NFU1: variants seen among roughly 807,000 people sequenced by gnomAD.
NFU1 encodes the protein NFU1 iron-sulfur cluster scaffold.
A neutral mutation model predicts 32.2 loss-of-function variants in NFU1; 30 were observed. The observed-to-expected ratio is 0.93, with a 90% confidence interval of 0.70 to 1.26. The LOEUF is 1.26. Ranked by LOEUF, NFU1 falls within the 50% of genes most tolerant of loss-of-function variation. The pLI is 0.00. For synonymous variants in NFU1, 112 were observed against 104.6 expected (o/e 1.07, Z -0.43); for missense variants, 306 against 306.6 (o/e 1.00, Z 0.02).
At chr2:69,428,808 T>C (rs916470894) in intron 2 of NFU1, among the ~76,000 whole-genome samples, 1 of 152,220 alleles carries the variant, frequency 6.6e-6, no homozygotes, top group African/African-American at 2.4e-5. Context: ...GAGTTTAAAT[T>C]TGGCAAAACA....
intron 7 of NFU1, 62 bp downstream of exon 7, chr2:69,400,302 T>A: frequency 1.4e-6 from 2 of 1,425,496 alleles, no homozygotes; most frequent in South Asian, 2.3e-5. Flanking sequence ...TTCCAGCCTT[T>A]GTATCTACAA....
At chr2:69,413,829 A>C (rs181832887) in intron 5 of NFU1, among the ~76,000 whole-genome samples, 1 of 151,800 alleles carries the variant, frequency 6.6e-6, no homozygotes, top group Non-Finnish European at 1.5e-5. Context: ...CAGGCGAATC[A>C]TGAGGTCTGG....
intron 1 of NFU1, among the ~76,000 whole-genome samples, chr2:69,436,784 G>T (rs1206586705): frequency 1.3e-5 from 2 of 150,632 alleles, no homozygotes; most frequent in Non-Finnish European, 3.0e-5. Flanking sequence ...TCAAAGGTAG[G>T]GCTCAGGGAG....
chr2:69,397,942 T>A (rs1672394119), intron 7 of NFU1, among the ~76,000 whole-genome samples: 1 of 151,030 alleles, frequency 6.6e-6, no homozygotes, highest in Non-Finnish European at 1.5e-5. Context: ...AAATCCAGAT[T>A]CTGGCTCTGA....
upstream of NFU1, chr2:69,437,500 G>C (rs946908938): frequency 8.4e-6 from 13 of 1,542,076 alleles, no homozygotes; most frequent in Admixed American, 7.6e-5. Flanking sequence ...CGGTAGCTGG[G>C]CGGGCACTGG....
intron 6 of NFU1, among the ~76,000 whole-genome samples, chr2:69,403,577 G>T (rs1672594333): frequency 6.6e-6 from 1 of 152,000 alleles, no homozygotes; most frequent in African/African-American, 2.4e-5. Flanking sequence ...TAGAGACAAG[G>T]TCTCACTATG....
At position 69,400,117 on chromosome 2, in the gene NFU1, C is replaced by A. The variant is rs1672471871; in HGVS notation, c.720+247G>T. Among the ~76,000 whole-genome samples the A allele has an allele frequency of 2.6e-5, 4 of 152,122 alleles. No homozygotes were observed. In the South Asian group the frequency reaches 8.3e-4, roughly 32 times the overall value. Reference sequence around the variant, plus strand: ...GGAACTCCCAACCTCAGGTGATCCACCCACCTCAGCCTCCCAAAGTGCTGG... The same window carrying A: ...GGAACTCCCAACCTCAGGTGATCCAACCACCTCAGCCTCCCAAAGTGCTGG... On this transcript the variant is annotated intron_variant, in intron 7 of 7. Coordinates refer to ENST00000410022, the MANE Select transcript of NFU1 (RefSeq NM_001002755.4).
chr2:69,400,451 G>A lies in NFU1; in HGVS notation c.633C>T (p.Thr211=). Residue 211 remains threonine, a synonymous_variant, in exon 7 of 8, where the codon ACC becomes ACT. Transcript: ENST00000410022. The part of the protein sequence containing the change: ...IVQLKLQGSC[T]SCPSSIITLK... ...GAGTAATGATTGAACTAGGGCAGCTGGTACAAGAACCCTGGAGTTTCAGCT... is the reference window on the plus strand; with the variant it reads ...GAGTAATGATTGAACTAGGGCAGCTAGTACAAGAACCCTGGAGTTTCAGCT... 3 of 1,613,884 alleles carry A rather than the reference G, an allele frequency of 1.9e-6. No individual in the cohort carries two copies. The highest frequency in any genetic ancestry group is 2.5e-6 in the Non-Finnish European group (3 of 1,179,810).
rs1558845426 is a variant in NFU1, at chr2:69,427,819, AG to A, written c.166+4082del. Among the ~76,000 whole-genome samples the A allele has an allele frequency of 2.0e-5, 3 of 150,662 alleles. No homozygotes were observed. In the East Asian group the frequency reaches 6.0e-4, roughly 30 times the overall value. On this transcript the variant is annotated intron_variant, in intron 2 of 7. Transcript: ENST00000410022. Reference sequence around the variant, plus strand: ...CAACATGGTGAAACCCCGTCTCTACAGGGGTTTTGTAGAGGTAGGGTTATTT... The same window carrying A: ...CAACATGGTGAAACCCCGTCTCTACAGGGTTTTGTAGAGGTAGGGTTATTT...
chr2:69,399,081 G>A (rs562285442), intron 7 of NFU1, among the ~76,000 whole-genome samples: 10 of 151,972 alleles, frequency 6.6e-5, no homozygotes, highest in African/African-American at 2.2e-4. Flanking sequence ...GGTGGCATGT[G>A]CCTGTAATCC....
In NFU1 at chr2:69,400,512, T is replaced by A; in HGVS notation, c.572A>T (p.Asp191Val). 1.2e-6 allele frequency: 2 copies of A among 1,614,114 alleles called. No homozygotes were observed. The highest frequency in any genetic ancestry group is 1.7e-6 in the Non-Finnish European group (2 of 1,180,008). ...ATCTTCAAAGCCTTTGTAGATTACA[T>A]CCCCTCCATCTTCCTGCACAGTTGG... is the stretch of plus-strand genomic sequence containing the variant. ...IRPTVQEDGGDVIYKGFEDGI... is the reference protein window; with the variant it reads ...IRPTVQEDGGVVIYKGFEDGI... The change falls in exon 7 of 8, where the codon GAT (aspartate) becomes GTT (valine). Residue 191 changes from aspartate (D) to valine (V), a missense_variant. Transcript: ENST00000410022.
At chr2:69,437,443 G>T, upstream of NFU1, 1 of 1,608,924 alleles carries the variant, frequency 6.2e-7, no homozygotes, top group Non-Finnish European at 8.5e-7. Context: ...AGTGCCTAAG[G>T]GTCTCCCTGA....
chr2:69,417,347 T>TA (rs1281768752), intron 4 of NFU1, among the ~76,000 whole-genome samples: 1 of 151,918 alleles, frequency 6.6e-6, no homozygotes, highest in African/African-American at 2.4e-5. Flanking sequence ...TTCCGTCTAT[T>TA]AAATACCAAC....
intron 7 of NFU1, chr2:69,399,428 G>A (rs180739650): frequency 4.7e-5 from 21 of 450,264 alleles, no homozygotes; most frequent in Admixed American, 1.2e-4. Flanking sequence ...TGTGCTACAC[G>A]TAAAGCTCTA....
Position 69,437,201 on chromosome 2 carries a change from C to A in NFU1, c.62+160G>T. 4.9e-6 allele frequency: 7 copies of A among 1,427,086 alleles called. No homozygotes were observed. In the South Asian group the frequency reaches 8.8e-5, roughly 18 times the overall value. 88.4% of individuals were successfully genotyped at this position (1,427,086 alleles called of 1,614,324 possible). A position where few individuals can be genotyped will look rare whatever the true frequency, so the allele number is the denominator to read the frequency against. ...CAGAAGCGCCGAGCTCCCGCACAGACAGCCTCAGGGCTCACCCCCAACTAC... is the reference window on the plus strand; with the variant it reads ...CAGAAGCGCCGAGCTCCCGCACAGAAAGCCTCAGGGCTCACCCCCAACTAC... On this transcript the variant is annotated intron_variant, in intron 1 of 7. Transcript: ENST00000410022.
chr2:69,415,298 T>C lies in NFU1; in HGVS notation c.371A>G (p.Glu124Gly), dbSNP rs1235176737. The change falls in exon 5 of 8, where the codon GAA becomes GGA. Residue 124 changes from glutamate (E) to glycine (G), a missense_variant and splice_region_variant. By Grantham distance (98) the Glu-to-Gly change is moderately conservative (BLOSUM62 -2). Transcript: ENST00000410022. ...FGPDFITVTK[E>G]NEELDWNLLK... ...TAAATTCCAGTCTAATTCTTCATTTTCCTATAAACATTTAAAGGAAAATGC... is the reference window on the plus strand; with the variant it reads ...TAAATTCCAGTCTAATTCTTCATTTCCCTATAAACATTTAAAGGAAAATGC... 8 of 1,564,292 alleles carry C rather than the reference T, an allele frequency of 5.1e-6. No homozygotes were observed. Among genetic ancestry groups the C allele is most frequent in the Non-Finnish European group, 6.2e-6 (7 of 1,135,434 alleles).
At chr2:69,425,593 G>A (rs1025918645) in intron 2 of NFU1, among the ~76,000 whole-genome samples, 9 of 151,896 alleles carry the variant, frequency 5.9e-5, no homozygotes, top group African/African-American at 2.2e-4. Flanking sequence ...GACCTCACGT[G>A]ATCCACCCAC....
At chr2:69,428,150 G>A (rs1034472261) in intron 2 of NFU1, among the ~76,000 whole-genome samples, 2 of 152,080 alleles carry the variant, frequency 1.3e-5, no homozygotes, top group African/African-American at 4.8e-5. Context: ...CTGGCCGGGC[G>A]CAGTGGGTTA....
At chr2:69,423,419 C>CT (rs1341031961) in intron 3 of NFU1, among the ~76,000 whole-genome samples, 163 bp downstream of exon 3, 4 of 118,988 alleles carry the variant, frequency 3.4e-5, no homozygotes, top group Admixed American at 8.4e-5. Flanking sequence ...TGCAACAGGC[C>CT]TTATTTTTTT....
Sources: allele counts gnomAD v4.1 joint callset (sites outside exome capture counted in the v4.1 genomes callset), GRCh38; gene constraint gnomAD v4.1.1; transcripts MANE v1.5; gene names NCBI Gene and HGNC (gene_info 2026-07-23, HGNC 2026-07-21).